HADH: variants seen among roughly 807,000 people sequenced by gnomAD.
HADH encodes hydroxyacyl-coenzyme A dehydrogenase, mitochondrial.
Under a neutral mutation model 32.2 loss-of-function variants are expected in HADH, and 24 were observed. That is an observed-to-expected ratio of 0.75 (90% CI 0.54 to 1.05). HADH has a LOEUF of 1.05. Among genes scored for constraint, HADH ranks in the 50% least tolerant of loss-of-function variants. HADH has a pLI of 0.00. For missense variants in HADH, 350 were observed against 397.1 expected (o/e 0.88, Z 1.01); for synonymous variants, 139 against 152.5 (o/e 0.91, Z 0.65).
intron 1 of HADH, among the ~76,000 whole-genome samples, chr4:107,992,477 CAACAGCTTTTGGCATAGGG>C (rs1726764293): frequency 6.6e-6 from 1 of 152,190 alleles, no homozygotes; most frequent in Non-Finnish European, 1.5e-5. Context: ...GCTCCTTGAC[CAACAGCTTTTGGCATAGGG>C]TAAATCTGTT....
intron 2 of HADH, 33 bp downstream of exon 2, chr4:108,009,920 G>A (rs2126226447): frequency 6.8e-7 from 1 of 1,475,324 alleles, no homozygotes; most frequent in Non-Finnish European, 9.5e-7. Flanking sequence ...TTCAAGACAA[G>A]TCCTCTGACT....
intron 3 of HADH, 24 bp downstream of exon 3, chr4:108,014,612 CTTTT>C (rs550348868): frequency 3.1e-6 from 4 of 1,270,106 alleles, no homozygotes; most frequent in South Asian, 1.3e-5. Flanking sequence ...GGACAATCTT[CTTTT>C]TTTTTTTTTT....
chr4:108,034,297 G>A lies in HADH; in HGVS notation c.885G>A (p.Lys295=). The A allele has an allele frequency of 6.2e-7, 1 of 1,613,850 alleles. No homozygotes were observed. The highest frequency in any genetic ancestry group is 8.5e-7 in the Non-Finnish European group (1 of 1,179,706). ...ATCAGCCCAGCCCATCCTTAAATAA[G>A]CTGGTAGCAGAGAACAAGTTCGGCA... ...PLHQPSPSLN[K]LVAENKFGKK... Residue 295 remains lysine, a synonymous_variant, in exon 8 of 8, where the codon AAG becomes AAA. Transcript: ENST00000309522.
chr4:107,990,123 C>T (rs1222398128), intron 1 of HADH, 59 bp downstream of exon 1: 1 of 1,543,988 alleles, frequency 6.5e-7, no homozygotes, highest in Non-Finnish European at 8.7e-7. Context: ...GAGGTGGAAG[C>T]TCTGGCGCGA....
intron 2 of HADH, among the ~76,000 whole-genome samples, chr4:108,011,201 T>C (rs1735483166): frequency 6.6e-6 from 1 of 152,238 alleles, no homozygotes; most frequent in African/African-American, 2.4e-5. Context: ...CATATTCCAA[T>C]TTAATATTCC....
intron 1 of HADH, among the ~76,000 whole-genome samples, chr4:108,008,120 G>A (rs994700539): frequency 3.3e-5 from 5 of 152,190 alleles, no homozygotes; most frequent in African/African-American, 1.2e-4. Context: ...TTGCCACTTA[G>A]GGGAAAACCT....
Position 108,033,293 on chromosome 4 carries a change from G to C in HADH, c.826+1G>C. The C allele has an allele frequency of 7.1e-7, 1 of 1,416,846 alleles. No homozygotes were observed. Among genetic ancestry groups the C allele is most frequent in the Non-Finnish European group, 1.0e-6 (1 of 999,972 alleles). 87.8% of individuals were successfully genotyped at this position (1,416,846 alleles called of 1,614,324 possible). ...GATACTACGAAGTTCATCGTGGATG[G>C]TAGGAATTGGAATTTTTTGTTGTCT... is the stretch of plus-strand genomic sequence containing the variant. On this transcript the variant is annotated splice_donor_variant, in intron 7 of 7. Transcript: ENST00000309522. LOFTEE classifies it high-confidence loss of function.
At chr4:107,993,675 A>G (rs1734876647) in intron 1 of HADH, among the ~76,000 whole-genome samples, 1 of 152,148 alleles carries the variant, frequency 6.6e-6, no homozygotes, top group Non-Finnish European at 1.5e-5. Flanking sequence ...CCATTTGTAC[A>G]TGTGTATTTT....
At chr4:108,017,554 T>C (rs543054684) in intron 3 of HADH, among the ~76,000 whole-genome samples, 1 of 149,556 alleles carries the variant, frequency 6.7e-6, no homozygotes, top group Non-Finnish European at 1.5e-5. Flanking sequence ...CATGTAAGAG[T>C]ACTTTTTTTT....
chr4:108,034,355 T>C lies in HADH; in HGVS notation c.943T>C (p.Ter315ArgextTer43). ...KTGEGFYKYK[*>R] ...TGGAGAAGGATTTTACAAATACAAG[T>C]GATGTGCAGCTTCTCCGGCTCTGAG... Residue 315 changes from the stop codon to arginine (R), a stop_lost, in exon 8 of 8, where the codon TGA becomes CGA. Transcript: ENST00000309522. The C allele has an allele frequency of 6.4e-7, 1 of 1,554,766 alleles. No individual in the cohort carries two copies. Among genetic ancestry groups the C allele is most frequent in the Non-Finnish European group, 8.9e-7 (1 of 1,125,766 alleles).
In HADH at chr4:108,023,540, G is replaced by C. The variant is rs1179419890; in HGVS notation, c.613G>C (p.Gly205Arg). ...ESLVDFSKALGKHPVSCKDTP... is the reference protein window; with the variant it reads ...ESLVDFSKALRKHPVSCKDTP... ...TTTGGTAGACTTTAGCAAAGCCCTAGGAAAGCATCCTGTTTCTTGCAAGGT... is the reference window on the plus strand; with the variant it reads ...TTTGGTAGACTTTAGCAAAGCCCTACGAAAGCATCCTGTTTCTTGCAAGGT... Residue 205 changes from glycine (G) to arginine (R), a missense_variant, in exon 5 of 8, where the codon GGA becomes CGA. Transcript: ENST00000309522. 3 of 1,607,968 alleles carry C rather than the reference G, an allele frequency of 1.9e-6. No homozygotes were observed. In the South Asian group the frequency reaches 3.3e-5, roughly 18 times the overall value.
chr4:108,023,827 G>A (rs1484150914), intron 5 of HADH: 9 of 448,354 alleles, frequency 2.0e-5, no homozygotes, highest in Middle Eastern at 6.3e-4. Flanking sequence ...TAGAAGACAC[G>A]GGACTGCTCT....
chr4:108,012,021 AG>A (rs145648122), intron 2 of HADH, among the ~76,000 whole-genome samples: 1 of 152,128 alleles, frequency 6.6e-6, no homozygotes, highest in African/African-American at 2.4e-5. Flanking sequence ...CCTCCCGAGT[AG>A]CTAGGACTAT....
At chr4:108,025,718 T>A (rs1457340881) in intron 5 of HADH, 1 of 151,986 alleles carries the variant, frequency 6.6e-6, no homozygotes, top group Non-Finnish European at 1.5e-5. Context: ...GCAAAAACCC[T>A]CTCTACAGAA....
At chr4:108,027,430 C>T (rs2126236819) in intron 5 of HADH, 1 of 543,144 alleles carries the variant, frequency 1.8e-6, no homozygotes, top group East Asian at 3.3e-5. Flanking sequence ...CCAGGTCACA[C>T]CTGTGCCTTG....
intron 1 of HADH, among the ~76,000 whole-genome samples, chr4:108,009,055 C>G (rs1179280544): frequency 3.3e-5 from 5 of 152,198 alleles, no homozygotes; most frequent in Admixed American, 2.0e-4. Flanking sequence ...ATGGTGAAGG[C>G]AGGGAATTGC....
chr4:108,007,268 G>A (rs1421612335), intron 1 of HADH, among the ~76,000 whole-genome samples: 6 of 151,932 alleles, frequency 3.9e-5, no homozygotes, highest in East Asian at 1.9e-4. Context: ...CACCACGCCC[G>A]GCTAATTTTT....
chr4:108,027,935 C>T, intron 6 of HADH, 175 bp downstream of exon 6: 1 of 648,282 alleles, frequency 1.5e-6, no homozygotes, highest in Admixed American at 2.4e-5. Flanking sequence ...CACTGTTTTC[C>T]CAGGGCCTCC....
intron 5 of HADH, chr4:108,024,775 G>A (rs1736005341): frequency 6.6e-6 from 1 of 152,220 alleles, no homozygotes; most frequent in Non-Finnish European, 1.5e-5. Context: ...TATGGAAACA[G>A]AAGTACAGGG....
Sources: allele counts gnomAD v4.1 joint callset (sites outside exome capture counted in the v4.1 genomes callset), GRCh38; gene constraint gnomAD v4.1.1; transcripts MANE v1.5; gene names NCBI Gene and HGNC (gene_info 2026-07-23, HGNC 2026-07-21).